Variants in TMEM184A observed in about 807,000 individuals in gnomAD.
TMEM184A encodes transmembrane protein 184A, also known as sexually dimorphic, expressed in male gonads 1.
Under a neutral mutation model 39.5 loss-of-function variants are expected in TMEM184A, and 40 were observed. That is an observed-to-expected ratio of 1.01 (90% CI 0.79 to 1.32). The LOEUF is 1.32. TMEM184A is among the 40% of genes most tolerant of loss of function. TMEM184A has a pLI of 0.00. For synonymous variants in TMEM184A, 280 were observed against 252.3 expected, an observed-to-expected ratio of 1.11 and a Z score of -1.04; for missense variants, 603 against 568.8, an observed-to-expected ratio of 1.06 and a Z score of -0.61.
chr7:1,547,021 G>A lies in TMEM184A; in HGVS notation c.1173C>T (p.Gly391=), dbSNP rs10085741. Residue 391 remains glycine (G), a synonymous_variant, in exon 9 of 9, where the codon GGC becomes GGT. Coordinates refer to ENST00000297477, the MANE Select transcript of TMEM184A (RefSeq NM_001097620.2). Reference sequence around the variant, plus strand: ...GGCTCTTCCTGCTCCCGCCGGAGCCGCCGCTGGGGTGGGTGCCGGGCCTGG... The same window carrying A: ...GGCTCTTCCTGCTCCCGCCGGAGCCACCGCTGGGGTGGGTGCCGGGCCTGG... The part of the protein sequence containing the change: ...EAPRPGTHPS[G]GSGGSRKSRS... 801 of 1,603,714 alleles carry A rather than the reference G, an allele frequency of 5.0e-4. 1 individual carries two copies. In the African/African-American group the frequency reaches 6.9e-3, roughly 14 times the overall value.
chr7:1,545,278 C>T lies in TMEM184A; in HGVS notation c.*1674G>A, dbSNP rs1195735682. 1 of 152,582 alleles carries T rather than the reference C, an allele frequency of 6.6e-6. No individual in the cohort carries two copies. Among genetic ancestry groups the T allele is most frequent in the African/African-American group, 2.4e-5 (1 of 41,438 alleles). The allele number at this position is 152,582 out of a possible 1,614,324, so 9.5% of individuals were successfully genotyped here. On this transcript the variant is annotated 3_prime_UTR_variant, in exon 9 of 9. Coordinates refer to ENST00000297477, the MANE Select transcript of TMEM184A (RefSeq NM_001097620.2). ...GCAGCCGTGCAGGGAGGAGCTCAGC[C>T]TATCTTATCAGGCAGCCGGGCTGGG...
chr7:1,547,789 T>A lies in TMEM184A; in HGVS notation c.965A>T (p.Tyr322Phe). 2 of 1,612,978 alleles carry A rather than the reference T, an allele frequency of 1.2e-6. No homozygotes were observed. The highest frequency in any genetic ancestry group is 1.7e-6 in the Non-Finnish European group (2 of 1,179,882). ...TGCGTACACCTGGCAGGGGAAGGCA[T>A]AACGCAGGGCCACGGAGGCGAACAG... is the stretch of plus-strand genomic sequence containing the variant. ...EMLFASVALR[Y>F]AFPCQVYAEK... The change falls in exon 8 of 9, where the codon TAT (tyrosine) becomes TTT (phenylalanine). Residue 322 changes from tyrosine to phenylalanine, a missense_variant. Coordinates refer to ENST00000297477, the MANE Select transcript of TMEM184A (RefSeq NM_001097620.2).
chr7:1,552,509 T>A (rs1484975736), intron 2 of TMEM184A, among the ~76,000 whole-genome samples: 2 of 79,034 alleles, frequency 2.5e-5, no homozygotes, highest in Admixed American at 1.2e-4. Context: ...GTACAATAGG[T>A]TTTTTTTTTT....
chr7:1,544,590 C>A lies in TMEM184A; in HGVS notation c.*2362G>T, dbSNP rs1049198962. The A allele has an allele frequency of 2.6e-5, 4 of 152,422 alleles. No individual in the cohort carries two copies. The highest frequency in any genetic ancestry group is 9.6e-5 in the African/African-American group (4 of 41,474). 9.4% of individuals were successfully genotyped at this position (152,422 alleles called of 1,614,324 possible). A position where few individuals can be genotyped will look rare whatever the true frequency, so the allele number is the denominator to read the frequency against. On this transcript the variant is annotated 3_prime_UTR_variant, in exon 9 of 9. Coordinates refer to ENST00000297477, the MANE Select transcript of TMEM184A (RefSeq NM_001097620.2). ...ACGCTCCCCCTCGAGGCAGGTTGAG[C>A]CCCGGCCTGGACCGCCCCACGCTGC...
At position 1,548,675 on chromosome 7, in the gene TMEM184A, A is replaced by G; in HGVS notation, c.658T>C (p.Tyr220His). Residue 220 changes from tyrosine (Y) to histidine (H), a missense_variant, in exon 7 of 9, where the codon TAC becomes CAC. By Grantham distance (83) the Tyr-to-His change is moderately conservative. Coordinates refer to ENST00000297477, the MANE Select transcript of TMEM184A (RefSeq NM_001097620.2). ...HDGDFNVRSG[Y>H]LYVTLIYNAS... ...TTGTAGATGAGGGTCACATAGAGGT[A>G]GCCGCTGCGGACACTAGGACAGACG... The G allele has an allele frequency of 6.2e-7, 1 of 1,613,648 alleles. No individual in the cohort carries two copies. Among genetic ancestry groups the G allele is most frequent in the South Asian group, 1.1e-5 (1 of 91,078 alleles).
chr7:1,550,489 G>T (rs946328846), intron 3 of TMEM184A, 94 bp from the exon 4 acceptor site: 2 of 1,062,994 alleles, frequency 1.9e-6, no homozygotes, highest in Non-Finnish European at 2.7e-6. Context: ...AGGCTCGGGA[G>T]GGGCTGAGCC....
intron 3 of TMEM184A, 37 bp downstream of exon 3, chr7:1,550,776 TCTCC>T (rs1562559761): frequency 6.2e-7 from 1 of 1,606,066 alleles, no homozygotes; most frequent in Non-Finnish European, 8.5e-7. Flanking sequence ...CCGGGGAGTC[TCTCC>T]CTCCGCTCCC....
In TMEM184A at chr7:1,555,774, C is replaced by T. The variant is rs1489805384; in HGVS notation, c.1-290G>A. Among the ~76,000 whole-genome samples, 1 of 152,222 alleles carries T rather than the reference C, an allele frequency of 6.6e-6. No individual in the cohort carries two copies. Among genetic ancestry groups the T allele is most frequent in the Non-Finnish European group, 1.5e-5 (1 of 68,032 alleles). ...GAGTCTCAGGCTTGCAGGGAGCCTG[C>T]TTCTTAGGGGACAAAGACCGTCTTC... On this transcript the variant is annotated intron_variant, in intron 1 of 8. Coordinates refer to ENST00000297477, the MANE Select transcript of TMEM184A (RefSeq NM_001097620.2). The surrounding 1 kb of genome is among the most constrained non-coding windows in gnomAD (Gnocchi z 5.2).
chr7:1,547,964 C>T, intron 7 of TMEM184A, 25 bp from the exon 8 acceptor site: 1 of 1,546,862 alleles, frequency 6.5e-7, no homozygotes, highest in Non-Finnish European at 8.7e-7. Flanking sequence ...GCCGCTCAGC[C>T]CCAGCCCCAG....
chr7:1,549,862 C>G lies in TMEM184A; in HGVS notation c.636G>C (p.Gly212=). The G allele has an allele frequency of 6.2e-7, 1 of 1,605,172 alleles. No homozygotes were observed. ...ILQAFGKYHD[G]DFNVRSGYLY... is the part of the protein sequence containing the mutation. ...CGCAGCTCCCGCCTTACTTGAAGTC[C>G]CCGTCGTGGTATTTGCCAAATGCCT... The change falls in exon 6 of 9, where the codon GGG becomes GGC. Residue 212 remains glycine (G), a synonymous_variant. Coordinates refer to ENST00000297477, the MANE Select transcript of TMEM184A (RefSeq NM_001097620.2).
Position 1,550,308 on chromosome 7 carries a change from A to G in TMEM184A, c.473T>C (p.Ile158Thr). 6.2e-7 allele frequency: 1 copy of G among 1,612,724 alleles called. No homozygotes were observed. ...AIMAEIRGKP[I>T]KSSCLYGTCC... ...GGCTCTGGGGTGACGGGCTTACTTG[A>G]TGGGCTTTCCACGAATCTCAGCCAT... is the stretch of plus-strand genomic sequence containing the variant. Residue 158 changes from isoleucine (I) to threonine (T), a missense_variant, in exon 4 of 9, where the codon ATC becomes ACC. Ile to Thr is a moderately conservative substitution (Grantham distance 89). Transcript: ENST00000297477.
intron 7 of TMEM184A, among the ~76,000 whole-genome samples, chr7:1,548,143 C>T (rs1446801467): frequency 6.6e-6 from 1 of 152,178 alleles, no homozygotes; most frequent in Non-Finnish European, 1.5e-5. Flanking sequence ...GGAGCTCTCC[C>T]GGGCCCGCCC....
At chr7:1,551,471 C>G (rs1784594794) in intron 2 of TMEM184A, among the ~76,000 whole-genome samples, 1 of 152,176 alleles carries the variant, frequency 6.6e-6, no homozygotes, top group Non-Finnish European at 1.5e-5. Flanking sequence ...TTTGCATTTT[C>G]TAGTTTTCTA....
At chr7:1,554,486 G>A (rs1778469270) in intron 2 of TMEM184A, among the ~76,000 whole-genome samples, 2 of 152,138 alleles carry the variant, frequency 1.3e-5, no homozygotes, top group Admixed American at 6.5e-5. Context: ...CCCTGCAGCC[G>A]TGTGGCCCTC....
chr7:1,555,353 C>A lies in TMEM184A; in HGVS notation c.132G>T (p.Gly44=). 35 of 1,610,568 alleles carry A rather than the reference C, an allele frequency of 2.2e-5. No homozygotes were observed. The highest frequency in any genetic ancestry group is 3.0e-5 in the Non-Finnish European group (35 of 1,178,848). The change falls in exon 2 of 9, where the codon GGG becomes GGT. Residue 44 remains glycine (G), a synonymous_variant. Coordinates refer to ENST00000297477, the MANE Select transcript of TMEM184A (RefSeq NM_001097620.2). The surrounding 1 kb of genome is among the most constrained non-coding windows in gnomAD (Gnocchi z 5.2). ...QMDHMGNSSQ[G]APWLFLTSAL... is the part of the protein sequence containing the mutation. ...CGGAGGTGAGGAAGAGCCAGGGGGC[C>A]CCCTGGGAGCTGTTCCCCATGTGGT...
Position 1,555,584 on chromosome 7 carries a change from G to T in TMEM184A, c.1-100C>A. The stretch of plus-strand genomic sequence containing the variant: ...GGGGAGGGAGGAGACAGTGAGACGG[G>T]AGCTGAGGCTGAGCCACCCACCAGG... On this transcript the variant is annotated intron_variant, in intron 1 of 8. Coordinates refer to ENST00000297477, the MANE Select transcript of TMEM184A (RefSeq NM_001097620.2). The surrounding 1 kb of genome is among the most constrained non-coding windows in gnomAD (Gnocchi z 5.2). 2 of 907,846 alleles carry T rather than the reference G, an allele frequency of 2.2e-6. No homozygotes were observed. The highest frequency in any genetic ancestry group is 3.5e-6 in the Non-Finnish European group (2 of 569,276). 56.2% of individuals were successfully genotyped at this position (907,846 alleles called of 1,614,324 possible).
In TMEM184A at chr7:1,547,862, C is replaced by T. The variant is rs1433672886; in HGVS notation, c.892G>A (p.Gly298Ser). ...ETSGGNKLGA[G>S]TLAAGYQNFI... ...TTCTGGTAGCCGGCGGCCAGCGTGC[C>T]AGCCCCCAGCTTGTTCCCGCCGCTG... The change falls in exon 8 of 9, where the codon GGC becomes AGC. Residue 298 changes from glycine to serine, a missense_variant. By Grantham distance (56) the Gly-to-Ser change is moderately conservative. Transcript: ENST00000297477. The T allele has an allele frequency of 6.2e-7, 1 of 1,604,710 alleles. No homozygotes were observed.
Position 1,550,295 on chromosome 7 carries a change from A to C in TMEM184A, c.476+10T>G. ...TGTGGGGTGTGGGGGCTCTGGGGTG[A>C]CGGGCTTACTTGATGGGCTTTCCAC... On this transcript the variant is annotated intron_variant, in intron 4 of 8. Coordinates refer to ENST00000297477, the MANE Select transcript of TMEM184A (RefSeq NM_001097620.2). The C allele has an allele frequency of 6.2e-7, 1 of 1,612,356 alleles. No homozygotes were observed. The highest frequency in any genetic ancestry group is 1.1e-5 in the South Asian group (1 of 90,990).
In TMEM184A at chr7:1,555,902, A is replaced by C. The variant is rs1419937769; in HGVS notation, c.-1+212T>G. The C allele has an allele frequency of 1.1e-5, 3 of 266,090 alleles. No homozygotes were observed. The highest frequency in any genetic ancestry group is 7.1e-5 in the African/African-American group (3 of 42,438). The allele number at this position is 266,090 out of a possible 1,614,324, so 16.5% of individuals were successfully genotyped here. ...CCTGCCCCGGCAGGAGGGGGTGTGC[A>C]GCCACCCTCATGGGAGGAGCCGGCC... On this transcript the variant is annotated intron_variant, in intron 1 of 8. Transcript: ENST00000297477. This position sits in a 1 kb window ranked among gnomAD's most constrained non-coding sequence, Gnocchi z 5.2.
Sources: gnomAD v4.1 joint callset for allele counts (sites outside exome capture counted in the v4.1 genomes callset) on GRCh38, gnomAD v4.1.1 for gene constraint, Gnocchi (gnomAD v3.1) non-coding constraint, MANE v1.5 for transcripts, NCBI Gene and HGNC (gene_info 2026-07-23, HGNC 2026-07-21) for gene names.